ITPR1: variants seen among roughly 807,000 people sequenced by gnomAD.
ITPR1 encodes the protein inositol 1,4,5-trisphosphate-gated calcium channel ITPR1.
In ITPR1, 96 loss-of-function variants were observed where a neutral mutation model predicts 318.4. That is an observed-to-expected ratio of 0.30 (90% CI 0.26 to 0.36). The LOEUF is 0.36. ITPR1 is among the 10% of genes least tolerant of loss of function. The probability of loss-of-function intolerance (pLI) is 1.00; values close to 1 mark genes in which losing one functional copy is unlikely to be tolerated. For missense variants in ITPR1, 2,440 were observed against 3,460.2 expected (o/e 0.71, Z 7.40); for synonymous variants, 1,312 against 1,289.9 (o/e 1.02, Z -0.37).
At chr3:4,552,846 T>G (rs371591324) in intron 4 of ITPR1, among the ~76,000 whole-genome samples, 3 of 152,178 alleles carry the variant, frequency 2.0e-5, no homozygotes, top group Non-Finnish European at 4.4e-5. Flanking sequence ...CTCATTAGCA[T>G]GCAAAAGACA....
intron 4 of ITPR1, among the ~76,000 whole-genome samples, chr3:4,580,166 T>C (rs931582203): frequency 5.9e-5 from 9 of 151,878 alleles, no homozygotes; most frequent in Non-Finnish European, 1.2e-4. Flanking sequence ...GCCGAGATCA[T>C]GCCACTCCAC....
chr3:4,618,780 G>C (rs909826840), intron 4 of ITPR1, among the ~76,000 whole-genome samples: 1 of 152,146 alleles, frequency 6.6e-6, no homozygotes, highest in Non-Finnish European at 1.5e-5. Context: ...GCCCTACATG[G>C]TGTCACTGTG....
chr3:4,671,692 A>C (rs1353693866), intron 20 of ITPR1: 1 of 152,246 alleles, frequency 6.6e-6, no homozygotes, highest in East Asian at 1.9e-4. Context: ...AAGGAAGTGA[A>C]CCAATTAATA....
chr3:4,493,906 G>C (rs942391797), intron 1 of ITPR1, among the ~76,000 whole-genome samples: 19 of 46,036 alleles, frequency 4.1e-4, no homozygotes, highest in Non-Finnish European at 7.0e-4. Flanking sequence ...TTTTTTTTTT[G>C]AAGAGAGGTT....
intron 4 of ITPR1, among the ~76,000 whole-genome samples, chr3:4,619,598 C>T (rs1394973374): frequency 4.1e-4 from 27 of 65,174 alleles, no homozygotes; most frequent in Admixed American, 1.1e-3. Context: ...CTGCCCTCCC[C>T]TGCTCTCCTC....
chr3:4,710,814 G>C lies in ITPR1; in HGVS notation c.4991+341G>C, dbSNP rs909522419. Among the ~76,000 whole-genome samples the C allele has an allele frequency of 6.6e-6, 1 of 152,124 alleles. No individual in the cohort carries two copies. Among genetic ancestry groups the C allele is most frequent in the Admixed American group, 6.6e-5 (1 of 15,266 alleles). ...AGCCCTCAGAAATCTCAGATCTATC[G>C]TGACCTCACCATCTTTTCCTAATAA... On this transcript the variant is annotated intron_variant, in intron 38 of 61. Coordinates refer to ENST00000649015, the MANE Select transcript of ITPR1 (RefSeq NM_001378452.1). This position sits in a 1 kb window ranked among gnomAD's most constrained non-coding sequence, Gnocchi z 4.2.
chr3:4,730,561 G>C (rs1260582651), intron 42 of ITPR1, among the ~76,000 whole-genome samples: 1 of 152,036 alleles, frequency 6.6e-6, no homozygotes, highest in East Asian at 1.9e-4. Flanking sequence ...TTTGTAACTT[G>C]AGTTTGGCAT....
At chr3:4,665,982 G>A (rs141625737) in intron 17 of ITPR1, among the ~76,000 whole-genome samples, 1,992 of 152,232 alleles carry the variant, frequency 0.013, 24 homozygotes, top group Non-Finnish European at 0.018. Context: ...GGTGCTGCTG[G>A]CATCTGGTGA....
At chr3:4,532,629 C>T (rs2083512305) in intron 4 of ITPR1, among the ~76,000 whole-genome samples, 1 of 152,164 alleles carries the variant, frequency 6.6e-6, no homozygotes, top group African/African-American at 2.4e-5. Context: ...CTTTGTCCTC[C>T]AAAAGTATCG....
chr3:4,810,493 C>T (rs186151291), intron 55 of ITPR1, among the ~76,000 whole-genome samples: 107 of 152,332 alleles, frequency 7.0e-4, no homozygotes, highest in African/African-American at 2.4e-3. Flanking sequence ...TGTGAAGGCA[C>T]TGTGACCTGC....
At chr3:4,670,343 A>G (rs1439413662) in intron 19 of ITPR1, among the ~76,000 whole-genome samples, 1 of 152,208 alleles carries the variant, frequency 6.6e-6, no homozygotes, top group Non-Finnish European at 1.5e-5. Flanking sequence ...GGCTTGGGCT[A>G]ATGCAGGGTT....
intron 13 of ITPR1, among the ~76,000 whole-genome samples, chr3:4,659,013 C>T (rs2125186028): frequency 6.6e-6 from 1 of 152,284 alleles, no homozygotes; most frequent in Middle Eastern, 3.4e-3. Context: ...AGCTGAGGCT[C>T]AGAGAGTTTA....
intron 39 of ITPR1, among the ~76,000 whole-genome samples, chr3:4,714,921 A>G (rs1313990871): frequency 6.6e-6 from 1 of 152,146 alleles, no homozygotes; most frequent in Non-Finnish European, 1.5e-5. Context: ...ACTGACCTAC[A>G]CTTTTTAAAA....
At chr3:4,745,728 C>T (rs530715766) in intron 44 of ITPR1, among the ~76,000 whole-genome samples, 2 of 152,288 alleles carry the variant, frequency 1.3e-5, no homozygotes, top group Admixed American at 1.3e-4. Flanking sequence ...ACCTCTCTGC[C>T]GATTTCTAGA....
intron 4 of ITPR1, among the ~76,000 whole-genome samples, chr3:4,536,507 T>C (rs2083888059): frequency 6.6e-6 from 1 of 152,204 alleles, no homozygotes. Context: ...ATTTACAAGG[T>C]CACCTACCTG....
Position 4,619,758 on chromosome 3 carries a change from C to T in ITPR1, c.164-8005C>T, listed in dbSNP as rs1041572639. ...CTCCCCTGCTCTCCTCTGCCCTCCC[C>T]TCCTCTCTTCTGCCCTCCCCTGCTC... is the stretch of plus-strand genomic sequence containing the variant. On this transcript the variant is annotated intron_variant, in intron 4 of 61. Coordinates refer to ENST00000649015, the MANE Select transcript of ITPR1 (RefSeq NM_001378452.1). Among the ~76,000 whole-genome samples the T allele has an allele frequency of 3.5e-4, 10 of 28,584 alleles. 4 individuals are homozygous for T. Among genetic ancestry groups the T allele is most frequent in the South Asian group, 4.1e-3 (2 of 488 alleles). The allele number at this position is 28,584 out of a possible 152,430, so 18.8% of individuals were successfully genotyped here. A position where few individuals can be genotyped will look rare whatever the true frequency, so the allele number is the denominator to read the frequency against.
At chr3:4,739,875 T>G (rs1009637511) in intron 44 of ITPR1, among the ~76,000 whole-genome samples, 7 of 152,168 alleles carry the variant, frequency 4.6e-5, no homozygotes, top group African/African-American at 1.4e-4. Context: ...GGTCCTTTGC[T>G]GAGAGCTCAG....
At chr3:4,651,375 C>G (rs1005636970) in intron 10 of ITPR1, among the ~76,000 whole-genome samples, 1 of 152,178 alleles carries the variant, frequency 6.6e-6, no homozygotes, top group Admixed American at 6.5e-5. Context: ...TTTGATCTGT[C>G]TCCTTAACTC....
At chr3:4,602,301 C>G (rs2091346672) in intron 4 of ITPR1, among the ~76,000 whole-genome samples, 1 of 152,084 alleles carries the variant, frequency 6.6e-6, no homozygotes, top group African/African-American at 2.4e-5. Context: ...GGGTGGATTG[C>G]TTGGGCCCAG....
Sources: gnomAD v4.1 joint callset for allele counts (sites outside exome capture counted in the v4.1 genomes callset) on GRCh38, gnomAD v4.1.1 for gene constraint, Gnocchi (gnomAD v3.1) non-coding constraint, MANE v1.5 for transcripts, NCBI Gene and HGNC (gene_info 2026-07-23, HGNC 2026-07-21) for gene names.